SLC19A3: variants seen among roughly 807,000 people sequenced by gnomAD.
The protein encoded by SLC19A3 is thiamine transporter 2.
SLC19A3 carries 31 observed loss-of-function variants against 40.2 expected under a neutral mutation model. That is an observed-to-expected ratio of 0.77 (90% CI 0.58 to 1.04). SLC19A3 has a LOEUF of 1.04. Among genes scored for constraint, SLC19A3 ranks in the 50% least tolerant of loss-of-function variants. The pLI is 0.00. For missense variants in SLC19A3, 592 were observed against 596.7 expected (o/e 0.99, Z 0.08); for synonymous variants, 212 against 227.5 (o/e 0.93, Z 0.61).
In SLC19A3 at chr2:227,687,417, T is replaced by C; in HGVS notation, c.1471A>G (p.Ile491Val). Residue 491 changes from isoleucine (I) to valine (V), a missense_variant, in exon 6 of 6, where the codon ATC (isoleucine) becomes GTC (valine). Coordinates refer to ENST00000644224, the MANE Select transcript of SLC19A3 (RefSeq NM_025243.4). ...TGAGGTTAGAGTTTTGTTGACATGA[T>C]GATATTACTCTCTTCCTCTGGGTGA... ...VSHPEEESNI[I>V]MSTKL 1 of 1,611,332 alleles carries C rather than the reference T, an allele frequency of 6.2e-7. No individual in the cohort carries two copies. Among genetic ancestry groups the C allele is most frequent in the Non-Finnish European group, 8.5e-7 (1 of 1,178,148 alleles).
intron 1 of SLC19A3, among the ~76,000 whole-genome samples, chr2:227,709,103 A>G (rs939806554): frequency 1.3e-5 from 2 of 152,184 alleles, no homozygotes; most frequent in Non-Finnish European, 2.9e-5. Flanking sequence ...CTCTAAGTGC[A>G]TATACTTAAA....
chr2:227,697,190 G>A (rs1005342850), intron 3 of SLC19A3, among the ~76,000 whole-genome samples: 4 of 152,142 alleles, frequency 2.6e-5, no homozygotes, highest in Non-Finnish European at 5.9e-5. Flanking sequence ...CCATGGATTT[G>A]GAATGTAGGA....
intron 1 of SLC19A3, chr2:227,706,523 C>CATG (rs1383769035): frequency 8.5e-7 from 1 of 1,170,652 alleles, no homozygotes; most frequent in African/African-American, 1.6e-5. Context: ...GTAATCCCAG[C>CATG]GCTTTGGGAG....
intron 1 of SLC19A3, chr2:227,702,526 T>C (rs1247678403): frequency 3.6e-6 from 2 of 555,862 alleles, no homozygotes; most frequent in Non-Finnish European, 6.4e-6. Context: ...CCCAAGTAGC[T>C]GGGATTACAG....
rs1449813593 is a variant in SLC19A3, at chr2:227,684,662, T to C, written c.*2735A>G. ...TTGTTTGTCTAATTGTGATGCCTAA[T>C]GCCTCCAGAATAATAAGTTAAAAAA... On this transcript the variant is annotated 3_prime_UTR_variant, in exon 6 of 6. Transcript: ENST00000644224. The C allele has an allele frequency of 1.3e-5, 2 of 152,158 alleles. No individual in the cohort carries two copies. The highest frequency in any genetic ancestry group is 2.9e-5 in the Non-Finnish European group (2 of 68,086). 9.4% of individuals were successfully genotyped at this position (152,158 alleles called of 1,614,324 possible).
chr2:227,712,722 C>A (rs1247101315), intron 1 of SLC19A3, among the ~76,000 whole-genome samples: 9 of 151,970 alleles, frequency 5.9e-5, no homozygotes, highest in Non-Finnish European at 1.3e-4. Context: ...TTTTGGCAAC[C>A]AATACTAATT....
intron 3 of SLC19A3, 55 bp downstream of exon 3, chr2:227,698,681 G>T: frequency 6.8e-7 from 1 of 1,466,218 alleles, no homozygotes; most frequent in South Asian, 1.1e-5. Context: ...GTACCTGGAG[G>T]AATGGACTTA....
At chr2:227,707,107 G>A (rs984784358) in intron 1 of SLC19A3, among the ~76,000 whole-genome samples, 2 of 152,170 alleles carry the variant, frequency 1.3e-5, no homozygotes, top group Admixed American at 1.3e-4. Flanking sequence ...CTTGTCCCCT[G>A]ACCCTGTTGC....
intron 4 of SLC19A3, among the ~76,000 whole-genome samples, chr2:227,695,310 C>T (rs1489564697): frequency 6.6e-6 from 1 of 151,894 alleles, no homozygotes; most frequent in African/African-American, 2.4e-5. Context: ...CAAATCAAAT[C>T]CTGACAATGA....
In SLC19A3 at chr2:227,684,806, A is replaced by T. The variant is rs2106314412; in HGVS notation, c.*2591T>A. 6.6e-6 allele frequency: 1 copy of T among 150,836 alleles called. No homozygotes were observed. Among genetic ancestry groups the T allele is most frequent in the African/African-American group, 2.4e-5 (1 of 41,126 alleles). 9.3% of individuals were successfully genotyped at this position (150,836 alleles called of 1,614,324 possible). On this transcript the variant is annotated 3_prime_UTR_variant, in exon 6 of 6. Transcript: ENST00000644224. ...GAAACCAGCCTGACCAACATGGTGA[A>T]ACCCCGTCTCTACTAAATATACAAA... is the stretch of plus-strand genomic sequence containing the variant.
At chr2:227,701,068 T>C (rs1472265730) in intron 2 of SLC19A3, 18 of 1,303,796 alleles carry the variant, frequency 1.4e-5, no homozygotes, top group Middle Eastern at 2.1e-4. Flanking sequence ...CTTCTGACCC[T>C]GCATCTGTCC....
intron 5 of SLC19A3, among the ~76,000 whole-genome samples, chr2:227,687,923 T>A (rs113784175): frequency 1.3e-5 from 2 of 152,190 alleles, no homozygotes; most frequent in South Asian, 4.1e-4. Context: ...CAATGCTACA[T>A]TCAATGTCTC....
chr2:227,693,282 A>G (rs1695301757), intron 4 of SLC19A3, among the ~76,000 whole-genome samples: 1 of 152,164 alleles, frequency 6.6e-6, no homozygotes, highest in East Asian at 1.9e-4. Context: ...CAACAACAAC[A>G]ACAACAACAA....
Position 227,703,219 on chromosome 2 carries a change from G to T in SLC19A3, c.-2-899C>A, listed in dbSNP as rs144385923. 4.4e-4 allele frequency among the ~76,000 whole-genome samples: 67 copies of T among 152,332 alleles called. No individual in the cohort carries two copies. The highest frequency in any genetic ancestry group is 1.5e-3 in the African/African-American group (63 of 41,572). On this transcript the variant is annotated intron_variant, in intron 1 of 5. Transcript: ENST00000644224. The surrounding 1 kb of genome is among the most constrained non-coding windows in gnomAD (Gnocchi z 4.7). ...TAAAGATTATGGTTACATATATAGA[G>T]CTTTTAGGGTCAATTGCAGTTTGAA...
In SLC19A3 at chr2:227,684,929, G is replaced by C. The variant is rs189985829; in HGVS notation, c.*2468C>G. On this transcript the variant is annotated 3_prime_UTR_variant, in exon 6 of 6. Coordinates refer to ENST00000644224, the MANE Select transcript of SLC19A3 (RefSeq NM_025243.4). ...ACCCGGGAGGCGGAGGTTGCAGTGA[G>C]CTGACATTGCGTCATTGCACTCCAG... is the stretch of plus-strand genomic sequence containing the variant. 1 of 129,414 alleles carries C rather than the reference G, an allele frequency of 7.7e-6. No individual in the cohort carries two copies. Among genetic ancestry groups the C allele is most frequent in the Admixed American group, 1.0e-4 (1 of 9,968 alleles). The allele number at this position is 129,414 out of a possible 1,614,324, so 8.0% of individuals were successfully genotyped here. A position where few individuals can be genotyped will look rare whatever the true frequency, so the allele number is the denominator to read the frequency against.
intron 3 of SLC19A3, among the ~76,000 whole-genome samples, chr2:227,697,172 T>C (rs1361826170): frequency 6.6e-6 from 1 of 150,880 alleles, no homozygotes; most frequent in Non-Finnish European, 1.5e-5. Context: ...AAATAACTAT[T>C]TTTCCCCCCA....
In SLC19A3 at chr2:227,700,363, C is replaced by G. The variant is rs930372157; in HGVS notation, c.151-799G>C. ...ACCAGCCTGGCCAACATGATGAAAC[C>G]CCGTCTACAACTAAAAACACAAAAA... On this transcript the variant is annotated intron_variant, in intron 2 of 5. Coordinates refer to ENST00000644224, the MANE Select transcript of SLC19A3 (RefSeq NM_025243.4). Among the ~76,000 whole-genome samples, 9 of 147,634 alleles carry G rather than the reference C, an allele frequency of 6.1e-5. No homozygotes were observed. The East Asian group carries it at 1.8e-3, about 29-fold the overall frequency.
In SLC19A3 at chr2:227,698,799, T is replaced by A. The variant is rs761983238; in HGVS notation, c.916A>T (p.Lys306Ter). The change falls in exon 3 of 6, where the codon AAG becomes TAG. Residue 306 changes from lysine (K) to a stop codon, truncating the protein, a stop_gained. Transcript: ENST00000644224. LOFTEE classifies it high-confidence loss of function. ...LNYVQILWDY[K>*]APSQDSSIYN... ...ATGGAAGAATCTTGGGATGGCGCCTTGTAATCCCACAGGATTTGAACATAG... is the reference window on the plus strand; with the variant it reads ...ATGGAAGAATCTTGGGATGGCGCCTAGTAATCCCACAGGATTTGAACATAG... 1.2e-6 allele frequency: 2 copies of A among 1,614,244 alleles called. No homozygotes were observed. The highest frequency in any genetic ancestry group is 2.2e-5 in the South Asian group (2 of 91,088).
Position 227,703,203 on chromosome 2 carries a change from T to C in SLC19A3, c.-2-883A>G, listed in dbSNP as rs2106333684. Among the ~76,000 whole-genome samples the C allele has an allele frequency of 1.3e-5, 2 of 152,296 alleles. No homozygotes were observed. The highest frequency in any genetic ancestry group is 4.1e-4 in the South Asian group (2 of 4,830). ...ATAAACACATTCACACTAAAGATTA[T>C]GGTTACATATATAGAGCTTTTAGGG... On this transcript the variant is annotated intron_variant, in intron 1 of 5. Transcript: ENST00000644224. This position sits in a 1 kb window ranked among gnomAD's most constrained non-coding sequence, Gnocchi z 4.7.
Sources: allele counts gnomAD v4.1 joint callset (sites outside exome capture counted in the v4.1 genomes callset), GRCh38; gene constraint gnomAD v4.1.1; non-coding constraint Gnocchi (gnomAD v3.1); transcripts MANE v1.5; gene names NCBI Gene and HGNC (gene_info 2026-07-23, HGNC 2026-07-21).